DAB2IP: variants seen among roughly 807,000 people sequenced by gnomAD.
DAB2IP encodes disabled homolog 2-interacting protein.
A neutral mutation model predicts 107.2 loss-of-function variants in DAB2IP; 28 were observed. The ratio of observed to expected loss-of-function variants is 0.26; its 90% CI spans 0.19 to 0.36. DAB2IP has a LOEUF of 0.36. DAB2IP is among the 10% of genes least tolerant of loss of function. DAB2IP has a pLI of 1.00. For missense variants in DAB2IP, 1,400 were observed against 1,644.7 expected (o/e 0.85, Z 2.57); for synonymous variants, 755 against 706.4 (o/e 1.07, Z -1.09).
At chr9:121,675,966 G>A in intron 1 of DAB2IP, among the ~76,000 whole-genome samples, 1 of 152,244 alleles carries the variant, frequency 6.6e-6, no homozygotes, top group East Asian at 1.9e-4. Flanking sequence ...AGATTGTGGA[G>A]GAGGAGGTCC....
At chr9:121,673,058 G>GGT (rs915905919) in intron 1 of DAB2IP, among the ~76,000 whole-genome samples, 1 of 152,242 alleles carries the variant, frequency 6.6e-6, no homozygotes, top group East Asian at 1.9e-4. Flanking sequence ...AATAATAGAG[G>GGT]GTGTGTGTGT....
intron 1 of DAB2IP, chr9:121,598,212 A>G (rs1830568661): frequency 6.6e-6 from 1 of 152,334 alleles, no homozygotes; most frequent in Non-Finnish European, 1.5e-5. Flanking sequence ...ATCAGCTTTC[A>G]GCAGAGCTCC....
At chr9:121,612,215 G>T (rs1831119523) in intron 1 of DAB2IP, among the ~76,000 whole-genome samples, 1 of 152,086 alleles carries the variant, frequency 6.6e-6, no homozygotes, top group Non-Finnish European at 1.5e-5. Context: ...CTACTCTGGA[G>T]GCTGAGGTGG....
chr9:121,670,037 C>T (rs554968819), intron 1 of DAB2IP, among the ~76,000 whole-genome samples: 2 of 152,184 alleles, frequency 1.3e-5, no homozygotes, highest in East Asian at 1.9e-4. Flanking sequence ...ACGAAGATGT[C>T]GCTTGTGCTC....
intron 2 of DAB2IP, among the ~76,000 whole-genome samples, chr9:121,692,896 C>T (rs1035257787): frequency 3.3e-5 from 5 of 152,190 alleles, no homozygotes; most frequent in Non-Finnish European, 5.9e-5. Context: ...GGAGGAATGA[C>T]GCATCTGAAG....
At chr9:121,623,055 T>A (rs1831527436) in intron 1 of DAB2IP, among the ~76,000 whole-genome samples, 1 of 152,178 alleles carries the variant, frequency 6.6e-6, no homozygotes, top group Non-Finnish European at 1.5e-5. Flanking sequence ...CCTTGCGCCA[T>A]CTCTCTTAAG....
chr9:121,757,101 A>G, exon 4 of DAB2IP: 1 of 1,614,180 alleles, frequency 6.2e-7, no homozygotes, highest in Non-Finnish European at 8.5e-7. Context: ...GGACCTCAGC[A>G]TGGAGGAAGA....
rs759749515 is a variant in DAB2IP, at chr9:121,782,302, A to AC, written c.3403-24dup. ...ACAGCCCTAAGGAGCCTGTCCCATG[A>AC]CCCCCGCTCACATCCCCATTGTCCA... is the stretch of plus-strand genomic sequence containing the variant. On this transcript the variant is annotated intron_variant, in intron 15 of 15. Transcript: ENST00000408936. This position sits in a 1 kb window ranked among gnomAD's most constrained non-coding sequence, Gnocchi z 6.1. The AC allele has an allele frequency of 2.8e-5, 45 of 1,602,276 alleles. No homozygotes were observed. The highest frequency in any genetic ancestry group is 3.6e-5 in the Non-Finnish European group (42 of 1,172,180).
chr9:121,676,635 G>GCACGCACACACACACACA (rs1554723130), intron 1 of DAB2IP, among the ~76,000 whole-genome samples: 3 of 150,430 alleles, frequency 2.0e-5, no homozygotes, highest in African/African-American at 7.4e-5. Context: ...TTCTGCAGAC[G>GCACGCACACACACACACA]CACACACACA....
At position 121,699,368 on chromosome 9, in the gene DAB2IP, A is replaced by G; in HGVS notation, c.272A>G (p.Lys91Arg). 2 of 1,480,914 alleles carry G rather than the reference A, an allele frequency of 1.4e-6. No individual in the cohort carries two copies. Among genetic ancestry groups the G allele is most frequent in the Non-Finnish European group, 1.8e-6 (2 of 1,106,342 alleles). The allele number at this position is 1,480,914 out of a possible 1,614,324, so 91.7% of individuals were successfully genotyped here. A position where few individuals can be genotyped will look rare whatever the true frequency, so the allele number is the denominator to read the frequency against. The change falls in exon 3 of 16, where the codon AAG (lysine) becomes AGG (arginine). Residue 91 changes from lysine to arginine, a missense_variant. Lys to Arg is a conservative substitution (Grantham distance 26). This residue lies in a region of DAB2IP where 283 missense variants were observed against 237.0 expected (regional missense o/e 1.19). Transcript: ENST00000408936. The surrounding 1 kb of genome is among the most constrained non-coding windows in gnomAD (Gnocchi z 6.2). ...CTCAAGGGCTCCATCAAGCGCACCA[A>G]GAGCCAGCCCAAGCTGGACCGCAAC... is the stretch of plus-strand genomic sequence containing the variant.
intron 2 of DAB2IP, among the ~76,000 whole-genome samples, chr9:121,690,225 GC>G (rs1198705796): frequency 1.3e-5 from 2 of 152,196 alleles, no homozygotes; most frequent in African/African-American, 4.8e-5. Context: ...TGGTTTTCTT[GC>G]CACTCATGCA....
At chr9:121,768,244 C>T (rs936111487) in intron 9 of DAB2IP, among the ~76,000 whole-genome samples, 188 bp from the exon 10 acceptor site, 16 of 152,108 alleles carry the variant, frequency 1.1e-4, no homozygotes, top group South Asian at 6.2e-4. Context: ...AGAAAAGGAT[C>T]GCTGGACTTA....
chr9:121,594,559 A>G (rs1830489004), intron 1 of DAB2IP, among the ~76,000 whole-genome samples: 1 of 152,180 alleles, frequency 6.6e-6, no homozygotes, highest in Non-Finnish European at 1.5e-5. Context: ...CCCATCAAGA[A>G]CACTCAATGA....
chr9:121,706,802 C>T (rs1830079229), intron 3 of DAB2IP, among the ~76,000 whole-genome samples: 1 of 152,208 alleles, frequency 6.6e-6, no homozygotes, highest in Admixed American at 6.5e-5. Flanking sequence ...CAGGCCATGC[C>T]ACCTACCACC....
Position 121,760,232 on chromosome 9 carries a change from C to G in DAB2IP, c.963C>G (p.Gly321=). Residue 321 remains glycine, a synonymous_variant, in exon 6 of 16, where the codon GGC becomes GGG. Transcript: ENST00000408936. This position sits in a 1 kb window ranked among gnomAD's most constrained non-coding sequence, Gnocchi z 5.9. ...TGGTGACGCCCAACCCCAAGGGCGGCAAGGGCCCTGGACCCATGATCCGCA... is the reference window on the plus strand; with the variant it reads ...TGGTGACGCCCAACCCCAAGGGCGGGAAGGGCCCTGGACCCATGATCCGCA... 6.2e-7 allele frequency: 1 copy of G among 1,613,792 alleles called. No homozygotes were observed. Among genetic ancestry groups the G allele is most frequent in the Non-Finnish European group, 8.5e-7 (1 of 1,180,016 alleles).
intron 1 of DAB2IP, among the ~76,000 whole-genome samples, chr9:121,582,475 G>A (rs1830220634): frequency 1.3e-5 from 2 of 152,048 alleles, no homozygotes; most frequent in Admixed American, 6.6e-5. Flanking sequence ...TCCCAACTGT[G>A]GGCAGCCAGG....
In DAB2IP at chr9:121,701,057, C is replaced by A. The variant is rs1311880353; in HGVS notation, c.362+1599C>A. Among the ~76,000 whole-genome samples, 1 of 152,266 alleles carries A rather than the reference C, an allele frequency of 6.6e-6. No individual in the cohort carries two copies. The highest frequency in any genetic ancestry group is 1.5e-5 in the Non-Finnish European group (1 of 68,044). ...CTGTCTTCCCCAGGAACATGCCCTT[C>A]TCCGCGCTTTCCTTGGCGGGGGTCA... On this transcript the variant is annotated intron_variant, in intron 3 of 15. Coordinates refer to ENST00000408936, the Ensembl canonical transcript of DAB2IP. This position sits in a 1 kb window ranked among gnomAD's most constrained non-coding sequence, Gnocchi z 4.7.
intron 3 of DAB2IP, among the ~76,000 whole-genome samples, chr9:121,723,914 G>A (rs970404499): frequency 7.9e-5 from 12 of 152,098 alleles, no homozygotes; most frequent in African/African-American, 2.9e-4. Flanking sequence ...CAGTCAAATG[G>A]GGCAGAGAGC....
intron 1 of DAB2IP, among the ~76,000 whole-genome samples, chr9:121,641,055 C>G (rs1431558234): frequency 6.6e-6 from 1 of 151,288 alleles, no homozygotes; most frequent in Non-Finnish European, 1.5e-5. Context: ...AAGAGAGCTC[C>G]TCCTGGGATG....
Sources: gnomAD v4.1 joint callset for allele counts (sites outside exome capture counted in the v4.1 genomes callset) on GRCh38, gnomAD v4.1.1 for gene constraint, gnomAD v4.1.1 regional missense constraint, Gnocchi (gnomAD v3.1) non-coding constraint, MANE v1.5 for transcripts, NCBI Gene and HGNC (gene_info 2026-07-23, HGNC 2026-07-21) for gene names.